Variants in CHRM3 observed in about 807,000 individuals in gnomAD.
The protein encoded by CHRM3 is cholinergic receptor muscarinic 3, also known as muscarinic acetylcholine receptor M3.
A neutral mutation model predicts 41.8 loss-of-function variants in CHRM3; 11 were observed. That is an observed-to-expected ratio of 0.26 (90% CI 0.17 to 0.44). The LOEUF is 0.44. CHRM3 is among the 20% of genes least tolerant of loss of function. The pLI, the probability that CHRM3 is intolerant of heterozygous loss-of-function variation, is 1.00. For synonymous variants in CHRM3, 297 were observed against 301.4 expected (o/e 0.99, Z 0.15); for missense variants, 571 against 745.4 (o/e 0.77, Z 2.72).
chr1:239,407,405 A>AATATATATATATATATAT lies in CHRM3; in HGVS notation c.-521+20191_-521+20192insTATATATATATATATATA, dbSNP rs143680510. ...GAGCTCTATGAGACCAATGACTATAAATATATATATATAGAGAGAGAGAGA... is the reference window on the plus strand; with the variant it reads ...GAGCTCTATGAGACCAATGACTATAAATATATATATATATATATATATATATATATAGAGAGAGAGAGA... On this transcript the variant is annotated intron_variant, in intron 1 of 6. Transcript: ENST00000676153. 6.6e-5 allele frequency among the ~76,000 whole-genome samples: 9 copies of AATATATATATATATATAT among 137,018 alleles called. No individual in the cohort carries two copies. The South Asian group carries it at 7.1e-4, about 11-fold the overall frequency. The allele number at this position is 137,018 out of a possible 152,430, so 89.9% of individuals were successfully genotyped here.
chr1:239,763,243 A>G (rs1666942024), intron 5 of CHRM3, among the ~76,000 whole-genome samples: 1 of 152,240 alleles, frequency 6.6e-6, no homozygotes, highest in Admixed American at 6.5e-5. Flanking sequence ...TTGGGAGTTC[A>G]TAAATGAAAA....
At chr1:239,515,563 G>GA (rs1321588050) in intron 2 of CHRM3, among the ~76,000 whole-genome samples, 3 of 152,056 alleles carry the variant, frequency 2.0e-5, no homozygotes, top group Non-Finnish European at 4.4e-5. Flanking sequence ...AATTATTTCT[G>GA]AGGACTTTAA....
intron 5 of CHRM3, among the ~76,000 whole-genome samples, chr1:239,749,030 G>A (rs540389548): frequency 2.0e-4 from 30 of 152,216 alleles, no homozygotes; most frequent in African/African-American, 6.7e-4. Context: ...TGAGCCGTAC[G>A]GTCACCAGGA....
chr1:239,535,777 C>T (rs1658137963), intron 2 of CHRM3, among the ~76,000 whole-genome samples: 1 of 152,000 alleles, frequency 6.6e-6, no homozygotes. Context: ...AAGGAGACAA[C>T]ATCATGGAGG....
intron 4 of CHRM3, among the ~76,000 whole-genome samples, chr1:239,637,149 G>T (rs1427560601): frequency 6.6e-6 from 1 of 151,980 alleles, no homozygotes; most frequent in Admixed American, 6.6e-5. Context: ...ATATTATCAG[G>T]TATACAGAAA....
At chr1:239,486,891 G>A (rs1440467216) in intron 1 of CHRM3, among the ~76,000 whole-genome samples, 1 of 152,084 alleles carries the variant, frequency 6.6e-6, no homozygotes, top group South Asian at 2.1e-4. Flanking sequence ...GGGGCCAAAT[G>A]TTATTCATCT....
chr1:239,618,843 G>GA (rs1174760989), intron 3 of CHRM3, among the ~76,000 whole-genome samples: 1,992 of 76,748 alleles, frequency 0.026, 32 homozygotes, highest in African/African-American at 0.031. Context: ...GACTCTGTCA[G>GA]AAAAAAAAAA....
At chr1:239,465,838 T>C (rs2147907602) in intron 1 of CHRM3, among the ~76,000 whole-genome samples, 1 of 152,122 alleles carries the variant, frequency 6.6e-6, no homozygotes, top group East Asian at 1.9e-4. Flanking sequence ...AAAAGTTACA[T>C]CTCCCCTGCT....
At chr1:239,610,333 T>G (rs1666878362) in intron 3 of CHRM3, among the ~76,000 whole-genome samples, 1 of 152,168 alleles carries the variant, frequency 6.6e-6, no homozygotes, top group Non-Finnish European at 1.5e-5. Flanking sequence ...ATGAATCAGT[T>G]CTAGTATTAC....
intron 6 of CHRM3, among the ~76,000 whole-genome samples, chr1:239,906,326 G>C (rs1463295545): frequency 1.3e-5 from 2 of 152,154 alleles, no homozygotes; most frequent in Non-Finnish European, 1.5e-5. Context: ...TTTTAACCAA[G>C]AGCATAAATG....
At chr1:239,600,877 A>C (rs1322007279) in intron 3 of CHRM3, among the ~76,000 whole-genome samples, 1 of 149,134 alleles carries the variant, frequency 6.7e-6, no homozygotes, top group Admixed American at 6.7e-5. Context: ...ATTTCTCTCT[A>C]TTCACTGTCT....
intron 5 of CHRM3, among the ~76,000 whole-genome samples, chr1:239,716,397 A>G (rs183920465): frequency 6.6e-6 from 1 of 152,198 alleles, no homozygotes; most frequent in African/African-American, 2.4e-5. Flanking sequence ...TGGAGGTTCA[A>G]AAAGACTATT....
chr1:239,714,682 G>A (rs189772023), intron 5 of CHRM3, among the ~76,000 whole-genome samples: 15 of 152,314 alleles, frequency 9.8e-5, no homozygotes, highest in African/African-American at 3.6e-4. Flanking sequence ...TTTTAAGCCA[G>A]GGGTGATACA....
intron 6 of CHRM3, among the ~76,000 whole-genome samples, chr1:239,865,177 C>G (rs1027261732): frequency 2.6e-5 from 4 of 152,186 alleles, no homozygotes; most frequent in South Asian, 2.1e-4. Flanking sequence ...AACATGGAAT[C>G]TCCTCTGTGA....
chr1:239,436,456 C>T (rs1188973851), intron 1 of CHRM3, among the ~76,000 whole-genome samples: 1 of 151,976 alleles, frequency 6.6e-6, no homozygotes, highest in East Asian at 2.0e-4. Flanking sequence ...TCTGGCTGCC[C>T]CTACCCCCAA....
intron 1 of CHRM3, among the ~76,000 whole-genome samples, chr1:239,401,840 A>G (rs1193266026): frequency 1.3e-5 from 2 of 152,006 alleles, no homozygotes; most frequent in African/African-American, 2.4e-5. Context: ...CTCTTATTTT[A>G]TATTTGAGGA....
At chr1:239,863,830 A>G (rs920403502) in intron 6 of CHRM3, among the ~76,000 whole-genome samples, 20 of 152,304 alleles carry the variant, frequency 1.3e-4, no homozygotes, top group African/African-American at 4.8e-4. Flanking sequence ...AAAACTACCA[A>G]ACTCTTTGGT....
intron 2 of CHRM3, among the ~76,000 whole-genome samples, chr1:239,496,810 C>A (rs747185482): frequency 2.6e-5 from 4 of 152,010 alleles, no homozygotes; most frequent in Non-Finnish European, 4.4e-5. Flanking sequence ...ATGTTCTCTG[C>A]TGAGGAGAGC....
At chr1:239,516,757 G>A (rs1669301231) in intron 2 of CHRM3, among the ~76,000 whole-genome samples, 2 of 152,186 alleles carry the variant, frequency 1.3e-5, no homozygotes, top group South Asian at 4.1e-4. Flanking sequence ...GCAGTCCAGC[G>A]AGCGAAACGT....
Sources: gnomAD v4.1 joint callset for allele counts (sites outside exome capture counted in the v4.1 genomes callset) on GRCh38, gnomAD v4.1.1 for gene constraint, MANE v1.5 for transcripts, NCBI Gene and HGNC (gene_info 2026-07-23, HGNC 2026-07-21) for gene names.